The following TASP1 variants were observed in gnomAD, a reference collection of about 807,000 sequenced individuals.
The protein encoded by TASP1 is threonine aspartase 1.
Under a neutral mutation model 56.6 loss-of-function variants are expected in TASP1, and 16 were observed. The observed-to-expected ratio is 0.28, with a 90% CI of 0.19 to 0.43. The LOEUF (loss-of-function observed/expected upper bound fraction) is 0.43. Ranked by LOEUF, TASP1 falls within the 20% of genes least tolerant of loss-of-function variation. TASP1 has a pLI of 1.00. For synonymous variants in TASP1, 179 were observed against 184.2 expected, an observed-to-expected ratio of 0.97 and a Z score of 0.23; for missense variants, 393 against 511.6, an observed-to-expected ratio of 0.77 and a Z score of 2.24.
the TASP1 span, chr20:13,154,213 A>G: frequency 6.4e-7 from 1 of 1,569,952 alleles, no homozygotes; most frequent in Admixed American, 1.7e-5. Context: ...CACAGGCGTT[A>G]GATTATGCAT....
At chr20:13,567,752 G>A (rs549626812) in intron 7 of TASP1, among the ~76,000 whole-genome samples, 2 of 152,244 alleles carry the variant, frequency 1.3e-5, no homozygotes, top group African/African-American at 2.4e-5. Context: ...TTTCAGTCTC[G>A]TATGTACTGA....
the TASP1 span, among the ~76,000 whole-genome samples, chr20:13,280,497 A>G: frequency 6.6e-6 from 1 of 151,970 alleles, no homozygotes; most frequent in Non-Finnish European, 1.5e-5. Context: ...AGTGAGTTAA[A>G]ATAATAAAAG....
At chr20:13,510,311 C>T (rs1207657614) in intron 10 of TASP1, among the ~76,000 whole-genome samples, 1 of 152,032 alleles carries the variant, frequency 6.6e-6, no homozygotes, top group African/African-American at 2.4e-5. Flanking sequence ...GAGAGGAAAA[C>T]AAATTCAAAC....
chr20:13,226,363 T>A, the TASP1 span, among the ~76,000 whole-genome samples: 2 of 152,214 alleles, frequency 1.3e-5, no homozygotes, highest in Non-Finnish European at 2.9e-5. Context: ...GTGTTTCTTA[T>A]TTTGTGACTT....
the TASP1 span, among the ~76,000 whole-genome samples, chr20:13,256,775 C>G: frequency 4.6e-5 from 7 of 152,278 alleles, no homozygotes; most frequent in East Asian, 1.4e-3. Context: ...GGATTCCAAA[C>G]CTCAGTTTTC....
the TASP1 span, among the ~76,000 whole-genome samples, chr20:13,338,361 T>G: frequency 1.2e-4 from 18 of 152,142 alleles, no homozygotes; most frequent in Non-Finnish European, 7.3e-5. Flanking sequence ...TTGGTTTTGG[T>G]GAGTTTTGGC....
chr20:13,411,465 GTGT>G (rs1168959205), intron 13 of TASP1, among the ~76,000 whole-genome samples: 9 of 152,134 alleles, frequency 5.9e-5, no homozygotes, highest in Non-Finnish European at 1.3e-4. Flanking sequence ...ACTTTTATCA[GTGT>G]TTTGTAGCCT....
the TASP1 span, among the ~76,000 whole-genome samples, chr20:13,371,732 A>G: frequency 1.3e-5 from 2 of 152,120 alleles, no homozygotes; most frequent in East Asian, 3.9e-4. Flanking sequence ...TCTATCCAAT[A>G]TTTAAAGTGG....
the TASP1 span, among the ~76,000 whole-genome samples, chr20:13,322,635 C>A: frequency 6.6e-6 from 1 of 152,156 alleles, no homozygotes; most frequent in African/African-American, 2.4e-5. Flanking sequence ...GCCCAAGACC[C>A]AGGGAGGGAC....
intron 1 of TASP1, among the ~76,000 whole-genome samples, chr20:13,637,784 G>T (rs2147649486): frequency 6.6e-6 from 1 of 152,234 alleles, no homozygotes; most frequent in South Asian, 2.1e-4. Flanking sequence ...TTCTTTTGGG[G>T]GTGATGAAAA....
At chr20:13,524,008 G>A (rs1300002637) in intron 10 of TASP1, among the ~76,000 whole-genome samples, 1 of 151,926 alleles carries the variant, frequency 6.6e-6, no homozygotes, top group Non-Finnish European at 1.5e-5. Context: ...AATTATCCAG[G>A]TGTGATGGTG....
At chr20:13,479,395 A>G (rs2043053711) in intron 11 of TASP1, among the ~76,000 whole-genome samples, 1 of 152,172 alleles carries the variant, frequency 6.6e-6, no homozygotes. Flanking sequence ...CATTTCAAAT[A>G]GAAACTTGAG....
At chr20:13,502,989 AGT>A (rs2044001108) in intron 10 of TASP1, among the ~76,000 whole-genome samples, 1 of 152,200 alleles carries the variant, frequency 6.6e-6, no homozygotes, top group Non-Finnish European at 1.5e-5. Flanking sequence ...CACAATGGAA[AGT>A]GAGAGTGCAG....
intron 11 of TASP1, among the ~76,000 whole-genome samples, chr20:13,446,234 T>A (rs1255450371): frequency 6.6e-6 from 1 of 152,012 alleles, no homozygotes; most frequent in East Asian, 1.9e-4. Context: ...GACAAAAATG[T>A]TTCCAGTGTA....
chr20:13,388,809 T>C (rs1326576669), downstream of TASP1, among the ~76,000 whole-genome samples: 1 of 152,226 alleles, frequency 6.6e-6, no homozygotes, highest in Admixed American at 6.5e-5. Context: ...TGTAATTGCC[T>C]GTACCAGGAA....
chr20:13,564,763 G>T (rs1244830869), intron 7 of TASP1, among the ~76,000 whole-genome samples: 1 of 151,948 alleles, frequency 6.6e-6, no homozygotes, highest in Non-Finnish European at 1.5e-5. Flanking sequence ...GCACTTTGGA[G>T]GCCGAGGCAG....
intron 13 of TASP1, among the ~76,000 whole-genome samples, chr20:13,395,444 T>C (rs1204632010): frequency 6.6e-6 from 1 of 152,226 alleles, no homozygotes; most frequent in East Asian, 1.9e-4. Context: ...TGCTGAGTCA[T>C]AGAAAACATC....
chr20:13,495,112 A>G (rs900105408), intron 10 of TASP1, among the ~76,000 whole-genome samples: 4 of 152,142 alleles, frequency 2.6e-5, no homozygotes, highest in African/African-American at 7.2e-5. Context: ...AATCTAACCT[A>G]TAACTACTGA....
the TASP1 span, among the ~76,000 whole-genome samples, chr20:13,384,096 G>T: frequency 2.0e-5 from 3 of 152,212 alleles, no homozygotes; most frequent in Non-Finnish European, 4.4e-5. Flanking sequence ...AGCATTACTG[G>T]ATTTTCCAAG....
Sources: allele counts gnomAD v4.1 joint callset (sites outside exome capture counted in the v4.1 genomes callset), GRCh38; gene constraint gnomAD v4.1.1; transcripts MANE v1.5; gene names NCBI Gene and HGNC (gene_info 2026-07-23, HGNC 2026-07-21).